Variants in TESMIN observed in about 807,000 individuals in gnomAD.
TESMIN encodes CXC domain containing 2.
A neutral mutation model predicts 47.4 loss-of-function variants in TESMIN; 34 were observed. The ratio of observed to expected loss-of-function variants is 0.72; its 90% CI spans 0.55 to 0.96. TESMIN has a LOEUF of 0.96. TESMIN is among the 40% of genes least tolerant of loss of function. TESMIN has a pLI of 0.00. For synonymous variants in TESMIN, 278 were observed against 258.9 expected (o/e 1.07, Z -0.71); for missense variants, 610 against 637.2 (o/e 0.96, Z 0.46).
intron 7 of TESMIN, among the ~76,000 whole-genome samples, chr11:68,714,653 T>G (rs576133129): frequency 1.3e-4 from 20 of 152,354 alleles, no homozygotes; most frequent in African/African-American, 4.8e-4. Flanking sequence ...AATTCATCCA[T>G]TCTACCACGG....
At chr11:68,744,818 T>C in intron 4 of TESMIN, 173 bp downstream of exon 4, 2 of 511,138 alleles carry the variant, frequency 3.9e-6, no homozygotes, top group Non-Finnish European at 6.6e-6. Flanking sequence ...GGTACAAAAA[T>C]TAGTCTATAG....
At position 68,715,837 on chromosome 11, in the gene TESMIN, C is replaced by CT. The variant is rs1946130557; in HGVS notation, c.1019dup (p.Ala341GlyfsTer5). ...CATACATTTAATGGACATTTATTACCTTAATGGCTTTAAACCGTTCAATAT... is the reference window on the plus strand; with the variant it reads ...CATACATTTAATGGACATTTATTACCTTTAATGGCTTTAAACCGTTCAATAT... On this transcript the variant is annotated frameshift_variant and splice_region_variant, in exon 7 of 10. Transcript: ENST00000255087. LOFTEE classifies it high-confidence loss of function. 1 of 1,580,452 alleles carries CT rather than the reference C, an allele frequency of 6.3e-7. No individual in the cohort carries two copies. Among genetic ancestry groups the CT allele is most frequent in the Non-Finnish European group, 8.7e-7 (1 of 1,150,058 alleles).
At chr11:68,732,823 C>T (rs1315293043) in intron 6 of TESMIN, 1 of 152,218 alleles carries the variant, frequency 6.6e-6, no homozygotes, top group African/African-American at 2.4e-5. Flanking sequence ...GTTGTGTGAA[C>T]TAAGTTTCAC....
At position 68,710,786 on chromosome 11, in the gene TESMIN, T is replaced by A. The variant is rs1055551712; in HGVS notation, c.1334+88A>T. 82 of 1,305,772 alleles carry A rather than the reference T, an allele frequency of 6.3e-5. No homozygotes were observed. In the African/African-American group the frequency reaches 1.2e-3, roughly 19 times the overall value. The allele number at this position is 1,305,772 out of a possible 1,614,324, so 80.9% of individuals were successfully genotyped here. On this transcript the variant is annotated intron_variant, in intron 9 of 9. Coordinates refer to ENST00000255087, the MANE Select transcript of TESMIN (RefSeq NM_004923.3). ...ACGCCCGCCCCTGCAGGCTCACACA[T>A]TCTTTCCAGTGTATAAATTGTCGTT...
intron 6 of TESMIN, among the ~76,000 whole-genome samples, chr11:68,721,294 C>T (rs1013158645): frequency 2.6e-5 from 4 of 152,138 alleles, no homozygotes; most frequent in African/African-American, 9.7e-5. Flanking sequence ...TGCCACAGGG[C>T]CTTTGCACCT....
At chr11:68,750,739 GAC>G in intron 1 of TESMIN, 40 bp from the exon 2 acceptor site, 2 of 1,081,720 alleles carry the variant, frequency 1.8e-6, no homozygotes, top group Non-Finnish European at 2.5e-6. Context: ...CAGAGGAGAG[GAC>G]GAGGGGAGGG....
intron 6 of TESMIN, among the ~76,000 whole-genome samples, chr11:68,732,413 A>C (rs1946338944): frequency 6.6e-6 from 1 of 152,132 alleles, no homozygotes; most frequent in Non-Finnish European, 1.5e-5. Flanking sequence ...CCCCAGTTAC[A>C]GTCTACACCC....
intron 6 of TESMIN, among the ~76,000 whole-genome samples, chr11:68,727,083 T>C (rs140682611): frequency 1.8e-3 from 261 of 145,096 alleles, no homozygotes; most frequent in African/African-American, 5.8e-3. Flanking sequence ...AAAAAAAAAA[T>C]AATGAAATGA....
chr11:68,738,452 C>A, intron 6 of TESMIN: 1 of 1,284,726 alleles, frequency 7.8e-7, no homozygotes, highest in South Asian at 1.7e-5. Flanking sequence ...CAACATAGGA[C>A]AGCGGACAGG....
intron 6 of TESMIN, among the ~76,000 whole-genome samples, chr11:68,725,664 G>A (rs952939156): frequency 6.6e-6 from 1 of 151,920 alleles, no homozygotes; most frequent in Admixed American, 6.6e-5. Context: ...TTGGAAACGG[G>A]TTCTCACTAT....
intron 3 of TESMIN, among the ~76,000 whole-genome samples, chr11:68,745,797 C>T (rs1218652346): frequency 6.6e-6 from 1 of 152,182 alleles, no homozygotes; most frequent in Non-Finnish European, 1.5e-5. Context: ...TGGTCGCAAG[C>T]CGGGTGGGTC....
In TESMIN at chr11:68,729,327, C is replaced by T. The variant is rs1466331966; in HGVS notation, c.917+9373G>A. Among the ~76,000 whole-genome samples, 5 of 151,430 alleles carry T rather than the reference C, an allele frequency of 3.3e-5. No homozygotes were observed. The East Asian group carries it at 9.7e-4, about 29-fold the overall frequency. On this transcript the variant is annotated intron_variant, in intron 6 of 9. Coordinates refer to ENST00000255087, the MANE Select transcript of TESMIN (RefSeq NM_004923.3). ...GATCATGAGGTCAGGAGATTGAGAC[C>T]ATCCTGGCCAACATGGTGAAACCCT...
At chr11:68,744,063 C>T (rs1472155456) in intron 4 of TESMIN, among the ~76,000 whole-genome samples, 1 of 152,192 alleles carries the variant, frequency 6.6e-6, no homozygotes, top group Non-Finnish European at 1.5e-5. Context: ...AAAGCTCCAA[C>T]CTCAGCTTCT....
chr11:68,746,745 G>A lies in TESMIN; in HGVS notation c.630+463C>T, dbSNP rs150154282. ...TGCCTATCCTACAGAGTTGTTAGGA[G>A]GATTAAATAAAGGTGCAAAAATATG... On this transcript the variant is annotated intron_variant, in intron 3 of 9. Transcript: ENST00000255087. Among the ~76,000 whole-genome samples the A allele has an allele frequency of 2.7e-3, 418 of 152,292 alleles. 3 individuals carry two copies. Among genetic ancestry groups the A allele is most frequent in the Non-Finnish European group, 5.1e-3 (347 of 68,020 alleles).
At position 68,711,529 on chromosome 11, in the gene TESMIN, G is replaced by A. The variant is rs140622164; in HGVS notation, c.1159-480C>T. ...TCCTGCTGCTGACAGAGTGGAGGCC[G>A]AGTGTATGGGTGTGAGTCCCAAGCA... On this transcript the variant is annotated intron_variant, in intron 8 of 9. Coordinates refer to ENST00000255087, the MANE Select transcript of TESMIN (RefSeq NM_004923.3). 1.9e-4 allele frequency among the ~76,000 whole-genome samples: 29 copies of A among 152,160 alleles called. No homozygotes were observed. In the East Asian group the frequency reaches 3.7e-3, roughly 19 times the overall value.
intron 6 of TESMIN, chr11:68,736,663 C>A: frequency 1.0e-6 from 1 of 982,810 alleles, no homozygotes; most frequent in East Asian, 1.1e-4. Context: ...TCCTGGCACA[C>A]CGTTTACAAT....
chr11:68,717,941 G>A (rs1234432472), intron 6 of TESMIN, among the ~76,000 whole-genome samples: 1 of 152,204 alleles, frequency 6.6e-6, no homozygotes, highest in African/African-American at 2.4e-5. Flanking sequence ...TCTAGCAGGA[G>A]ACTAGAAAAG....
intron 6 of TESMIN, chr11:68,736,920 C>G: frequency 1.0e-6 from 1 of 985,342 alleles, no homozygotes; most frequent in South Asian, 4.7e-5. Context: ...TGTGCAAATG[C>G]CCATCGGCTG....
rs564227250 is a variant in TESMIN at position 68,745,671 on chromosome 11, A to G, written c.631-560T>C. Among the ~76,000 whole-genome samples the G allele has an allele frequency of 1.2e-4, 18 of 152,342 alleles. No homozygotes were observed. In the South Asian group the frequency reaches 3.3e-3, roughly 28 times the overall value. On this transcript the variant is annotated intron_variant, in intron 3 of 9. Coordinates refer to ENST00000255087, the MANE Select transcript of TESMIN (RefSeq NM_004923.3). ...TAAAAACACATCTATTTTATTTCCT[A>G]CAAGTACAGCTTAGAAAGGTTAGTC...
Sources: allele counts gnomAD v4.1 joint callset (sites outside exome capture counted in the v4.1 genomes callset), GRCh38; gene constraint gnomAD v4.1.1; transcripts MANE v1.5; gene names NCBI Gene and HGNC (gene_info 2026-07-23, HGNC 2026-07-21).